The following RBM47 variants were observed in gnomAD, a reference collection of about 807,000 sequenced individuals.
RBM47 encodes the protein RNA-binding protein 47.
In RBM47, 21 loss-of-function variants were observed where a neutral mutation model predicts 47.1. That is an observed-to-expected ratio of 0.45 (90% CI 0.32 to 0.64). The LOEUF is 0.64. Among genes scored for constraint, RBM47 ranks in the 30% least tolerant of loss-of-function variants. RBM47 has a pLI of 0.05. For synonymous variants in RBM47, 375 were observed against 361.7 expected, an observed-to-expected ratio of 1.04 and a Z score of -0.42; for missense variants, 708 against 870.9, an observed-to-expected ratio of 0.81 and a Z score of 2.35.
At chr4:40,580,474 G>GA (rs11420537) in intron 1 of RBM47, among the ~76,000 whole-genome samples, 123,822 of 151,998 alleles carry the variant, frequency 0.81, 50,525 homozygotes, top group African/African-American at 0.87. Flanking sequence ...AGGCACGTGG[G>GA]AAGGCCAGAT....
At chr4:40,439,759 A>G (rs1713333658) in intron 3 of RBM47, among the ~76,000 whole-genome samples, 1 of 152,194 alleles carries the variant, frequency 6.6e-6, no homozygotes, top group Non-Finnish European at 1.5e-5. Context: ...GTCATGGGGA[A>G]ATAGGCTTAG....
chr4:40,541,881 T>C (rs1156312792), intron 2 of RBM47, among the ~76,000 whole-genome samples: 1 of 152,254 alleles, frequency 6.6e-6, no homozygotes, highest in Non-Finnish European at 1.5e-5. Flanking sequence ...TAAAGCATTA[T>C]TTTTTAAATC....
intron 3 of RBM47, among the ~76,000 whole-genome samples, chr4:40,441,798 T>G (rs1169734830): frequency 6.6e-6 from 1 of 152,230 alleles, no homozygotes; most frequent in Non-Finnish European, 1.5e-5. Flanking sequence ...TCCTGTTTGC[T>G]TTCAGTCTGA....
At chr4:40,503,065 T>C (rs1723610207) in intron 2 of RBM47, among the ~76,000 whole-genome samples, 1 of 151,574 alleles carries the variant, frequency 6.6e-6, no homozygotes, top group South Asian at 2.1e-4. Context: ...CAGTGTTACA[T>C]CACAGACTCA....
At chr4:40,600,497 G>A (rs888033039) in intron 1 of RBM47, among the ~76,000 whole-genome samples, 1 of 151,328 alleles carries the variant, frequency 6.6e-6, no homozygotes, top group Non-Finnish European at 1.5e-5. Context: ...AGCCGGGTGT[G>A]GTGGCGGGCG....
chr4:40,615,607 C>A (rs1313415610), intron 1 of RBM47, among the ~76,000 whole-genome samples: 2 of 152,058 alleles, frequency 1.3e-5, no homozygotes, highest in Non-Finnish European at 2.9e-5. Context: ...ATGGTGAAAC[C>A]CCATCTCTAC....
intron 1 of RBM47, among the ~76,000 whole-genome samples, chr4:40,551,281 G>A (rs1219000144): frequency 6.6e-6 from 1 of 152,094 alleles, no homozygotes; most frequent in Non-Finnish European, 1.5e-5. Context: ...TTTAATCTCT[G>A]TTTACTTTGC....
At chr4:40,499,098 T>C (rs187313422) in intron 2 of RBM47, among the ~76,000 whole-genome samples, 1 of 152,226 alleles carries the variant, frequency 6.6e-6, no homozygotes, top group Non-Finnish European at 1.5e-5. Flanking sequence ...AGGGGAGTGA[T>C]AGATGGCACA....
intron 2 of RBM47, among the ~76,000 whole-genome samples, chr4:40,500,875 C>T (rs1723265866): frequency 6.6e-6 from 1 of 152,174 alleles, no homozygotes; most frequent in Non-Finnish European, 1.5e-5. Flanking sequence ...AAATCTATCA[C>T]AGAAAACACT....
At chr4:40,520,687 GAGGACT>G (rs1726111531) in intron 2 of RBM47, among the ~76,000 whole-genome samples, 1 of 152,190 alleles carries the variant, frequency 6.6e-6, no homozygotes, top group Non-Finnish European at 1.5e-5. Context: ...AACCCCTTTA[GAGGACT>G]TCAAAGAGTA....
chr4:40,478,706 T>G (rs1024571434), intron 2 of RBM47, among the ~76,000 whole-genome samples: 6 of 152,178 alleles, frequency 3.9e-5, no homozygotes, highest in Non-Finnish European at 5.9e-5. Flanking sequence ...CAGGCTGGTC[T>G]CGAAATGCTA....
chr4:40,618,808 CAAA>C (rs35543412), intron 1 of RBM47, among the ~76,000 whole-genome samples: 43 of 27,606 alleles, frequency 1.6e-3, no homozygotes, highest in African/African-American at 5.1e-3. Flanking sequence ...GACTCCATCT[CAAA>C]AAAAAAAAAA....
chr4:40,497,252 G>T (rs189669803), intron 2 of RBM47, among the ~76,000 whole-genome samples: 1 of 152,136 alleles, frequency 6.6e-6, no homozygotes, highest in Admixed American at 6.5e-5. Flanking sequence ...TCCTGCTTTT[G>T]ACAAAATCCA....
chr4:40,606,942 C>T (rs1173369410), intron 1 of RBM47, among the ~76,000 whole-genome samples: 1 of 152,024 alleles, frequency 6.6e-6, no homozygotes, highest in Non-Finnish European at 1.5e-5. Flanking sequence ...ATTATTGTGT[C>T]ACTCTACTCC....
At chr4:40,527,594 C>G (rs1170622895) in intron 2 of RBM47, among the ~76,000 whole-genome samples, 1 of 150,862 alleles carries the variant, frequency 6.6e-6, no homozygotes, top group Non-Finnish European at 1.5e-5. Flanking sequence ...CCCGGACTAA[C>G]TTTTGTATTT....
chr4:40,608,167 GA>G (rs1027885003), intron 1 of RBM47, among the ~76,000 whole-genome samples: 3 of 150,380 alleles, frequency 2.0e-5, no homozygotes, highest in East Asian at 1.9e-4. Context: ...TTATATCTCA[GA>G]AAAAAAAAAT....
At chr4:40,598,438 G>C (rs1050560480) in intron 1 of RBM47, among the ~76,000 whole-genome samples, 2 of 152,084 alleles carry the variant, frequency 1.3e-5, no homozygotes, top group African/African-American at 4.8e-5. Flanking sequence ...TGTAGAGAGA[G>C]GGTTTTGCCA....
At chr4:40,613,659 T>C (rs540902829) in intron 1 of RBM47, among the ~76,000 whole-genome samples, 7 of 152,072 alleles carry the variant, frequency 4.6e-5, no homozygotes, top group Non-Finnish European at 1.0e-4. Flanking sequence ...TCATGGTGTG[T>C]AAGACAGTAG....
Position 40,539,252 on chromosome 4 carries a change from C to T in RBM47, c.-155+5170G>A, listed in dbSNP as rs543606501. ...GGGATTGCCTTGAGCAGCCTGGGGT[C>T]ATTTTGTGACAGTTCCCTACCAGTG... On this transcript the variant is annotated intron_variant, in intron 2 of 6. Coordinates refer to ENST00000295971, the MANE Select transcript of RBM47 (RefSeq NM_001098634.2). Among the ~76,000 whole-genome samples the T allele has an allele frequency of 3.1e-4, 47 of 152,226 alleles. 1 individual carries two copies. The South Asian group carries it at 9.5e-3, about 31-fold the overall frequency.
Sources: allele counts gnomAD v4.1 joint callset (sites outside exome capture counted in the v4.1 genomes callset), GRCh38; gene constraint gnomAD v4.1.1; transcripts MANE v1.5; gene names NCBI Gene and HGNC (gene_info 2026-07-23, HGNC 2026-07-21).